The following CATSPERB variants were observed in gnomAD, a reference collection of about 807,000 sequenced individuals.
CATSPERB encodes cation channel sperm-associated auxiliary subunit beta.
In CATSPERB, 93 loss-of-function variants were observed where a neutral mutation model predicts 128.3. The observed-to-expected ratio is 0.72, with a 90% CI of 0.61 to 0.86. CATSPERB has a LOEUF of 0.86. Ranked by LOEUF, CATSPERB falls within the 40% of genes least tolerant of loss-of-function variation. The pLI is 0.00. For synonymous variants in CATSPERB, 381 were observed against 448.8 expected (o/e 0.85, Z 1.91); for missense variants, 1,153 against 1,329.5 (o/e 0.87, Z 2.06).
rs767287469 is a variant in CATSPERB at position 91,691,510 on chromosome 14, T to C, written c.864+13A>G. On this transcript the variant is annotated intron_variant, in intron 10 of 26. Transcript: ENST00000256343. ...ATCTTCTAACCAGCCCTGGGAAATA[T>C]AAAGCTTCTTACCCTTTCAAAACCA... is the stretch of plus-strand genomic sequence containing the variant. 6.9e-6 allele frequency: 11 copies of C among 1,589,618 alleles called. No individual in the cohort carries two copies. The highest frequency in any genetic ancestry group is 3.5e-5 in the Admixed American group (2 of 57,374).
chr14:91,706,160 C>CT (rs1428735654), intron 6 of CATSPERB, among the ~76,000 whole-genome samples: 3 of 152,072 alleles, frequency 2.0e-5, no homozygotes, highest in Non-Finnish European at 4.4e-5. Flanking sequence ...ATTTTTTTCA[C>CT]TTTGTGCAAA....
At chr14:91,691,341 A>G (rs957356781) in intron 10 of CATSPERB, among the ~76,000 whole-genome samples, 182 bp downstream of exon 10, 4 of 152,170 alleles carry the variant, frequency 2.6e-5, no homozygotes, top group African/African-American at 9.7e-5. Flanking sequence ...TGCTACGAAT[A>G]TATGTATAAA....
In CATSPERB at chr14:91,593,297, C is replaced by T. The variant is rs556253876; in HGVS notation, c.2710-1295G>A. 2.0e-5 allele frequency among the ~76,000 whole-genome samples: 3 copies of T among 152,316 alleles called. No homozygotes were observed. In the South Asian group the frequency reaches 6.2e-4, roughly 32 times the overall value. ...GAGAAGAGGGCCACTGTCCTCCAGA[C>T]CCCAGAATGGTAAATCCACTGACAG... On this transcript the variant is annotated intron_variant, in intron 22 of 26. Coordinates refer to ENST00000256343, the MANE Select transcript of CATSPERB (RefSeq NM_024764.4).
chr14:91,729,633 A>G (rs946060505), intron 1 of CATSPERB, among the ~76,000 whole-genome samples, 154 bp from the exon 2 acceptor site: 16 of 152,244 alleles, frequency 1.1e-4, no homozygotes, highest in Admixed American at 6.5e-5. Context: ...ACAGTTGCCT[A>G]AACTCTAAAT....
At position 91,717,941 on chromosome 14, in the gene CATSPERB, G is replaced by A. The variant is rs989580414; in HGVS notation, c.370+1477C>T. ...TATTTCTTTTTACTCAGTCAGGGGA[G>A]TTGTATCAGGAGAGGAAGAGCTAAT... On this transcript the variant is annotated intron_variant, in intron 5 of 26. Coordinates refer to ENST00000256343, the MANE Select transcript of CATSPERB (RefSeq NM_024764.4). Among the ~76,000 whole-genome samples the A allele has an allele frequency of 4.6e-5, 7 of 152,326 alleles. No individual in the cohort carries two copies. In the East Asian group the frequency reaches 7.7e-4, roughly 17 times the overall value.
chr14:91,611,100 GC>G (rs1406863460), intron 20 of CATSPERB, among the ~76,000 whole-genome samples: 1 of 151,904 alleles, frequency 6.6e-6, no homozygotes, highest in African/African-American at 2.4e-5. Context: ...TTTTGTTGTG[GC>G]AGCCATAGCA....
intron 16 of CATSPERB, 93 bp from the exon 17 acceptor site, chr14:91,636,672 T>A: frequency 2.7e-6 from 3 of 1,093,932 alleles, no homozygotes; most frequent in Non-Finnish European, 3.9e-6. Context: ...CAGTTCACAT[T>A]AAAACAATAC....
At position 91,608,293 on chromosome 14, in the gene CATSPERB, C is replaced by A; in HGVS notation, c.2709+1G>T. 1 of 1,576,210 alleles carries A rather than the reference C, an allele frequency of 6.3e-7. No individual in the cohort carries two copies. The highest frequency in any genetic ancestry group is 1.1e-5 in the South Asian group (1 of 88,690). On this transcript the variant is annotated splice_donor_variant, in intron 22 of 26. Coordinates refer to ENST00000256343, the MANE Select transcript of CATSPERB (RefSeq NM_024764.4). LOFTEE classifies it high-confidence loss of function. ...AGATTATTTGTAAAAAAGTTATTTA[C>A]CTTTGACATGTGAAACATGTTTCTT...
chr14:91,685,219 G>A (rs1216610427), intron 10 of CATSPERB, among the ~76,000 whole-genome samples: 2 of 152,176 alleles, frequency 1.3e-5, no homozygotes, highest in East Asian at 3.8e-4. Context: ...GAGCCACTAT[G>A]ACTGGCCGCC....
intron 20 of CATSPERB, among the ~76,000 whole-genome samples, chr14:91,613,807 A>G (rs188799659): frequency 6.6e-6 from 1 of 152,294 alleles, no homozygotes; most frequent in African/African-American, 2.4e-5. Context: ...CCTTTTGCTC[A>G]TTATAATACT....
At chr14:91,642,735 G>A (rs938451126) in intron 15 of CATSPERB, among the ~76,000 whole-genome samples, 2 of 137,914 alleles carry the variant, frequency 1.5e-5, no homozygotes, top group African/African-American at 2.7e-5. Context: ...AAATGAGTTA[G>A]GGAGGATTCC....
chr14:91,668,876 A>G lies in CATSPERB; in HGVS notation c.1287+938T>C, dbSNP rs774813876. 1.8e-4 allele frequency among the ~76,000 whole-genome samples: 28 copies of G among 152,218 alleles called. 1 individual carries two copies. Among genetic ancestry groups the G allele is most frequent in the Non-Finnish European group, 4.0e-4 (27 of 68,036 alleles). ...TAAAGGGAAAAACTCTGGACACACC[A>G]TCTTTAAGAGCTGTAACACTCACCG... On this transcript the variant is annotated intron_variant, in intron 14 of 26. Transcript: ENST00000256343.
chr14:91,654,971 C>G (rs1169945652), intron 15 of CATSPERB, among the ~76,000 whole-genome samples: 2 of 78,836 alleles, frequency 2.5e-5, no homozygotes, highest in African/African-American at 7.3e-5. Context: ...CCTGGTAATA[C>G]AGTCTCTTCC....
chr14:91,702,386 G>C (rs868640238), intron 7 of CATSPERB, among the ~76,000 whole-genome samples: 6 of 150,276 alleles, frequency 4.0e-5, no homozygotes, highest in South Asian at 2.1e-4. Context: ...AAAAATAATT[G>C]CAAAAACCGC....
At chr14:91,662,306 T>C (rs1023205324) in intron 14 of CATSPERB, among the ~76,000 whole-genome samples, 3 of 152,240 alleles carry the variant, frequency 2.0e-5, no homozygotes, top group African/African-American at 7.2e-5. Context: ...GGGCTATCCA[T>C]ACCATATATT....
At chr14:91,639,784 A>G (rs1322567010) in intron 15 of CATSPERB, among the ~76,000 whole-genome samples, 3 of 152,322 alleles carry the variant, frequency 2.0e-5, no homozygotes, top group Non-Finnish European at 4.4e-5. Context: ...GTCCTGAGAC[A>G]GGGTCCCCTC....
At chr14:91,650,441 G>C (rs905419773) in intron 15 of CATSPERB, among the ~76,000 whole-genome samples, 1 of 152,180 alleles carries the variant, frequency 6.6e-6, no homozygotes, top group African/African-American at 2.4e-5. Context: ...TATGAATAAT[G>C]AGTTGAGTTG....
At chr14:91,613,766 C>T (rs143435014) in intron 20 of CATSPERB, among the ~76,000 whole-genome samples, 262 of 152,250 alleles carry the variant, frequency 1.7e-3, no homozygotes, top group African/African-American at 5.8e-3. Context: ...TGACAAGCAC[C>T]GCACTCCTCC....
chr14:91,676,274 C>T (rs1166571155), intron 11 of CATSPERB, among the ~76,000 whole-genome samples: 1 of 152,130 alleles, frequency 6.6e-6, no homozygotes. Flanking sequence ...ATTCACCCAA[C>T]TCCTGGCAAT....
Sources: gnomAD v4.1 joint callset for allele counts (sites outside exome capture counted in the v4.1 genomes callset) on GRCh38, gnomAD v4.1.1 for gene constraint, MANE v1.5 for transcripts, NCBI Gene and HGNC (gene_info 2026-07-23, HGNC 2026-07-21) for gene names.